The following STK39 variants were observed in gnomAD, a reference collection of about 807,000 sequenced individuals.
STK39 encodes serine/threonine kinase 39.
In STK39, 20 loss-of-function variants were observed where a neutral mutation model predicts 77.8. The ratio of observed to expected loss-of-function variants is 0.26; its 90% CI spans 0.18 to 0.37. The LOEUF (loss-of-function observed/expected upper bound fraction) is 0.37, where lower values mean the gene tolerates loss of function less well. Among genes scored for constraint, STK39 ranks in the 10% least tolerant of loss-of-function variants. The probability of loss-of-function intolerance (pLI) is 1.00; values close to 1 mark genes in which losing one functional copy is unlikely to be tolerated. For missense variants in STK39, 479 were observed against 656.5 expected, an observed-to-expected ratio of 0.73 and a Z score of 2.95; for synonymous variants, 246 against 234.1, an observed-to-expected ratio of 1.05 and a Z score of -0.47.
chr2:167,987,856 C>A (rs1025713278), intron 16 of STK39, among the ~76,000 whole-genome samples: 4 of 152,106 alleles, frequency 2.6e-5, no homozygotes, highest in Admixed American at 1.3e-4. Flanking sequence ...TAAAGCAGTT[C>A]AGAATAAATA....
At chr2:168,062,922 A>T (rs541025259) in intron 14 of STK39, among the ~76,000 whole-genome samples, 52 of 150,650 alleles carry the variant, frequency 3.5e-4, no homozygotes, top group South Asian at 6.3e-4. Context: ...TTAAATAATT[A>T]AAAAAAAAAT....
At position 168,177,651 on chromosome 2, in the gene STK39, A is replaced by G. The variant is rs200664136; in HGVS notation, c.321+4327T>C. Among the ~76,000 whole-genome samples the G allele has an allele frequency of 3.9e-5, 6 of 152,176 alleles. No individual in the cohort carries two copies. The East Asian group carries it at 1.2e-3, about 29-fold the overall frequency. On this transcript the variant is annotated intron_variant, in intron 2 of 17. Coordinates refer to ENST00000355999, the MANE Select transcript of STK39 (RefSeq NM_013233.3). ...AAGACACATGACTTCAAGAAAAAGC[A>G]CTCATGCGATGGATTTTAAGGGAAG... is the stretch of plus-strand genomic sequence containing the variant.
chr2:168,023,927 T>C (rs932025413), intron 14 of STK39, among the ~76,000 whole-genome samples: 5 of 152,232 alleles, frequency 3.3e-5, no homozygotes, highest in Non-Finnish European at 5.9e-5. Flanking sequence ...TCAACAGCCC[T>C]CTTCTTCCTT....
chr2:168,152,517 G>T (rs993784746), intron 5 of STK39, among the ~76,000 whole-genome samples: 1 of 152,198 alleles, frequency 6.6e-6, no homozygotes. Flanking sequence ...AAAAGGCATA[G>T]AGTTAAGAAG....
In STK39 at chr2:167,954,366, A is replaced by G. The variant is rs1160578174; in HGVS notation, c.*1130T>C. 6.6e-6 allele frequency: 1 copy of G among 152,620 alleles called. No individual in the cohort carries two copies. The highest frequency in any genetic ancestry group is 1.9e-4 in the East Asian group (1 of 5,202). 9.5% of individuals were successfully genotyped at this position (152,620 alleles called of 1,614,324 possible). The stretch of plus-strand genomic sequence containing the variant: ...TCAAGCAGAGGGCTACTTGGGTTGA[A>G]AGTATTGATTCTTGAACCTTAACAG... On this transcript the variant is annotated 3_prime_UTR_variant, in exon 18 of 18. Transcript: ENST00000355999.
intron 1 of STK39, among the ~76,000 whole-genome samples, chr2:168,207,519 A>G (rs1689772436): frequency 6.6e-6 from 1 of 152,240 alleles, no homozygotes; most frequent in African/African-American, 2.4e-5. Flanking sequence ...CCACTGCCCT[A>G]TGGGATGTAC....
chr2:168,133,322 A>G (rs1237288558), intron 8 of STK39, among the ~76,000 whole-genome samples: 1 of 152,254 alleles, frequency 6.6e-6, no homozygotes, highest in African/African-American at 2.4e-5. Context: ...CTCAGCCTTC[A>G]TCAGTAAGTA....
chr2:168,076,822 CT>C (rs1686091689), intron 10 of STK39, among the ~76,000 whole-genome samples: 1 of 152,008 alleles, frequency 6.6e-6, no homozygotes, highest in Non-Finnish European at 1.5e-5. Flanking sequence ...TTGAGTTGCT[CT>C]AAAAGTCTTT....
intron 16 of STK39, among the ~76,000 whole-genome samples, chr2:168,003,476 GA>G (rs1684051053): frequency 6.6e-6 from 1 of 151,980 alleles, no homozygotes; most frequent in African/African-American, 2.4e-5. Context: ...CCTCAGTAAA[GA>G]TTTTTTTTAA....
chr2:168,059,300 TGCGATTAAGTTATG>T (rs1416421282), intron 14 of STK39, among the ~76,000 whole-genome samples: 1 of 152,202 alleles, frequency 6.6e-6, no homozygotes, highest in Non-Finnish European at 1.5e-5. Flanking sequence ...ATGTCACTCC[TGCGATTAAGTTATG>T]GCACATGGCA....
At chr2:167,979,271 GTACCAT>G (rs769787924) in intron 16 of STK39, among the ~76,000 whole-genome samples, 2 of 152,146 alleles carry the variant, frequency 1.3e-5, no homozygotes, top group Non-Finnish European at 2.9e-5. Flanking sequence ...CAGAGTGATT[GTACCAT>G]TTTTACATTC....
rs918052077 is a variant in STK39 at position 168,080,428 on chromosome 2, G to A, written c.1090-5197C>T. 3.5e-4 allele frequency among the ~76,000 whole-genome samples: 54 copies of A among 152,166 alleles called. 1 individual carries two copies. The highest frequency in any genetic ancestry group is 1.3e-4 in the Non-Finnish European group (9 of 68,028). On this transcript the variant is annotated intron_variant, in intron 10 of 17. Transcript: ENST00000355999. ...GCAGATCACAAGGTCAGGAGACTGA[G>A]ACCATCCTGGCTAACACAGTGAAAC...
intron 17 of STK39, among the ~76,000 whole-genome samples, chr2:167,958,162 C>T (rs1691838434): frequency 6.6e-6 from 1 of 152,184 alleles, no homozygotes. Context: ...TCTCTTGATA[C>T]TCTTCAAGAA....
chr2:168,121,063 C>A (rs541717125), intron 10 of STK39, among the ~76,000 whole-genome samples: 2 of 152,306 alleles, frequency 1.3e-5, no homozygotes, highest in Admixed American at 1.3e-4. Context: ...CAAATACGCT[C>A]CCATTTTCCT....
chr2:168,025,051 T>C (rs1277969400), intron 14 of STK39, among the ~76,000 whole-genome samples: 1 of 152,196 alleles, frequency 6.6e-6, no homozygotes, highest in Non-Finnish European at 1.5e-5. Context: ...GCTTCTGTAA[T>C]ACCACCTCCT....
At chr2:168,040,196 T>G (rs1324525559) in intron 14 of STK39, among the ~76,000 whole-genome samples, 1 of 151,766 alleles carries the variant, frequency 6.6e-6, no homozygotes, top group Non-Finnish European at 1.5e-5. Flanking sequence ...ATAAAACTGT[T>G]GCTCAATATA....
intron 1 of STK39, among the ~76,000 whole-genome samples, chr2:168,241,876 A>G (rs990551515): frequency 2.6e-5 from 4 of 152,204 alleles, no homozygotes; most frequent in African/African-American, 9.6e-5. Flanking sequence ...CAATGAGGAA[A>G]CTGAGTGCAG....
chr2:168,062,256 C>G (rs1034957925), intron 14 of STK39, among the ~76,000 whole-genome samples: 2 of 152,130 alleles, frequency 1.3e-5, no homozygotes, highest in Non-Finnish European at 2.9e-5. Flanking sequence ...GCTCCTGGCG[C>G]AGAGTGGGCT....
chr2:168,018,489 T>C (rs986272331), intron 14 of STK39, among the ~76,000 whole-genome samples: 1 of 137,658 alleles, frequency 7.3e-6, no homozygotes, highest in Non-Finnish European at 1.5e-5. Context: ...CAAGAGTTCA[T>C]CTCATTTTTA....
Sources: gnomAD v4.1 joint callset for allele counts (sites outside exome capture counted in the v4.1 genomes callset) on GRCh38, gnomAD v4.1.1 for gene constraint, MANE v1.5 for transcripts, NCBI Gene and HGNC (gene_info 2026-07-23, HGNC 2026-07-21) for gene names.